BRI3BP: variants seen among roughly 807,000 people sequenced by gnomAD.
The protein encoded by BRI3BP is BRI3-binding protein.
Under a neutral mutation model 15.8 loss-of-function variants are expected in BRI3BP, and 7 were observed. The observed-to-expected ratio is 0.44, with a 90% CI of 0.25 to 0.83. The LOEUF (loss-of-function observed/expected upper bound fraction) is 0.83. Among genes scored for constraint, BRI3BP ranks in the 40% least tolerant of loss-of-function variants. BRI3BP has a pLI of 0.20. For missense variants in BRI3BP, 320 were observed against 339.3 expected (o/e 0.94, Z 0.45); for synonymous variants, 192 against 163.5 (o/e 1.17, Z -1.33).
the BRI3BP span, among the ~76,000 whole-genome samples, chr12:125,047,764 T>G: frequency 6.6e-6 from 1 of 152,140 alleles, no homozygotes; most frequent in Admixed American, 6.5e-5. Context: ...TGGCGCAATC[T>G]GGGCTCACTG....
At chr12:125,033,748 TG>T (rs754286955), downstream of BRI3BP, among the ~76,000 whole-genome samples, 76 of 136,282 alleles carry the variant, frequency 5.6e-4, no homozygotes, top group African/African-American at 8.4e-4. Flanking sequence ...GGTTTTTTTT[TG>T]TTTTTTTTTT....
At chr12:125,023,812 T>C (rs1417601151) in intron 2 of BRI3BP, among the ~76,000 whole-genome samples, 1 of 152,154 alleles carries the variant, frequency 6.6e-6, no homozygotes, top group Non-Finnish European at 1.5e-5. Flanking sequence ...TGGCTCACAC[T>C]TGTAATCCCA....
At chr12:125,038,390 T>C in the BRI3BP span, among the ~76,000 whole-genome samples, 7 of 152,216 alleles carry the variant, frequency 4.6e-5, no homozygotes, top group African/African-American at 1.7e-4. Context: ...TTTGACACTA[T>C]ATTAAACCTA....
At chr12:125,021,292 A>G (rs1955296387) in intron 2 of BRI3BP, among the ~76,000 whole-genome samples, 1 of 152,164 alleles carries the variant, frequency 6.6e-6, no homozygotes, top group Non-Finnish European at 1.5e-5. Flanking sequence ...TTGGGGAACT[A>G]TGAGATGTTC....
chr12:125,037,368 T>C, the BRI3BP span, among the ~76,000 whole-genome samples: 4 of 152,198 alleles, frequency 2.6e-5, no homozygotes, highest in Non-Finnish European at 4.4e-5. Flanking sequence ...AAAAAGGCTT[T>C]ATTTGATCTA....
At chr12:125,023,292 A>G (rs1341769553) in intron 2 of BRI3BP, among the ~76,000 whole-genome samples, 1 of 83,436 alleles carries the variant, frequency 1.2e-5, no homozygotes, top group Non-Finnish European at 2.3e-5. Flanking sequence ...TTGTTCCTCC[A>G]TGAGTGCCTT....
intron 1 of BRI3BP, among the ~76,000 whole-genome samples, chr12:125,012,262 C>T (rs1055959573): frequency 6.6e-5 from 10 of 152,148 alleles, no homozygotes; most frequent in Admixed American, 5.9e-4. Context: ...TGGCAAGCGG[C>T]GTAACGCGGC....
At chr12:125,022,627 A>C (rs1278961454) in intron 2 of BRI3BP, among the ~76,000 whole-genome samples, 1 of 151,292 alleles carries the variant, frequency 6.6e-6, no homozygotes, top group Non-Finnish European at 1.5e-5. Flanking sequence ...CCTGGGTTCA[A>C]GCGATTCTCG....
intron 1 of BRI3BP, among the ~76,000 whole-genome samples, chr12:124,998,969 T>A (rs999397567): frequency 1.1e-4 from 17 of 152,004 alleles, no homozygotes; most frequent in African/African-American, 3.9e-4. Flanking sequence ...TCCCAGCTAC[T>A]TGGGAGGTTG....
chr12:125,039,255 A>G, the BRI3BP span, among the ~76,000 whole-genome samples: 120 of 152,368 alleles, frequency 7.9e-4, no homozygotes, highest in Non-Finnish European at 1.3e-3. Flanking sequence ...CAGAGAGTGC[A>G]AGGCCCACGG....
At chr12:125,014,191 C>T (rs536269043) in intron 2 of BRI3BP, among the ~76,000 whole-genome samples, 143 of 152,216 alleles carry the variant, frequency 9.4e-4, no homozygotes, top group Non-Finnish European at 1.7e-3. Flanking sequence ...TAGCTGCCCC[C>T]GCTCCACTGC....
At chr12:125,018,192 G>A (rs1161020317) in intron 2 of BRI3BP, among the ~76,000 whole-genome samples, 4 of 152,196 alleles carry the variant, frequency 2.6e-5, no homozygotes, top group Non-Finnish European at 5.9e-5. Flanking sequence ...CTTGACAAGT[G>A]TGCAGGTGTA....
chr12:125,016,448 G>C (rs1465408801), intron 2 of BRI3BP, among the ~76,000 whole-genome samples: 1 of 126,062 alleles, frequency 7.9e-6, no homozygotes, highest in Non-Finnish European at 1.6e-5. Context: ...GTGATGTGAA[G>C]TTTTCTAGTA....
intron 2 of BRI3BP, among the ~76,000 whole-genome samples, chr12:125,015,900 C>T (rs543116027): frequency 6.6e-6 from 1 of 152,234 alleles, no homozygotes; most frequent in Non-Finnish European, 1.5e-5. Flanking sequence ...GCAGCCACCG[C>T]GTGCAATCCT....
At chr12:124,994,673 C>T (rs1314221754) in intron 1 of BRI3BP, among the ~76,000 whole-genome samples, 1 of 152,150 alleles carries the variant, frequency 6.6e-6, no homozygotes, top group East Asian at 1.9e-4. Context: ...GGGTTTTCCC[C>T]AATTCCTGCT....
At position 125,012,817 on chromosome 12, in the gene BRI3BP, C is replaced by T. The variant is rs184564741; in HGVS notation, c.316+181C>T. Among the ~76,000 whole-genome samples, 36 of 152,184 alleles carry T rather than the reference C, an allele frequency of 2.4e-4. No homozygotes were observed. In the East Asian group the frequency reaches 4.6e-3, roughly 20 times the overall value. ...TATAGGCCAGGCATGGTGGCTCATG[C>T]CTGTAATCCCAGCACTTTGGGAGAC... On this transcript the variant is annotated intron_variant, in intron 2 of 2. Coordinates refer to ENST00000341446, the MANE Select transcript of BRI3BP (RefSeq NM_080626.6).
At chr12:125,047,153 CTT>C in the BRI3BP span, among the ~76,000 whole-genome samples, 9 of 147,036 alleles carry the variant, frequency 6.1e-5, no homozygotes, top group African/African-American at 2.2e-4. Context: ...TTTCTTTACT[CTT>C]TTTTTTTTTG....
chr12:125,012,497 C>T, intron 1 of BRI3BP, 37 bp from the exon 2 acceptor site: 1 of 1,504,566 alleles, frequency 6.6e-7, no homozygotes, highest in Non-Finnish European at 9.3e-7. Context: ...TGGAGGAAAA[C>T]AGTGATTGGG....
rs1955017185 is a variant in BRI3BP, at chr12:124,993,888, A to AGGGGGCGC, written c.103_110dup (p.Gly40AlafsTer40). ...CTCGGGCTGCTGGCCCCGGGCGCGCAGGGGGCGCGGGGCCGCGGCGGCGCG... is the reference window on the plus strand; with the variant it reads ...CTCGGGCTGCTGGCCCCGGGCGCGCAGGGGGCGCGGGGGCGCGGGGCCGCGGCGGCGCG... On this transcript the variant is annotated frameshift_variant, in exon 1 of 3. Transcript: ENST00000341446. LOFTEE classifies it high-confidence loss of function. The AGGGGGCGC allele has an allele frequency of 2.4e-6, 3 of 1,240,364 alleles. No individual in the cohort carries two copies. The highest frequency in any genetic ancestry group is 1.0e-6 in the Non-Finnish European group (1 of 986,830). The allele number at this position is 1,240,364 out of a possible 1,614,324, so 76.8% of individuals were successfully genotyped here. A position where few individuals can be genotyped will look rare whatever the true frequency, so the allele number is the denominator to read the frequency against.
Sources: gnomAD v4.1 joint callset for allele counts (sites outside exome capture counted in the v4.1 genomes callset) on GRCh38, gnomAD v4.1.1 for gene constraint, MANE v1.5 for transcripts, NCBI Gene and HGNC (gene_info 2026-07-23, HGNC 2026-07-21) for gene names.